Variants in ITSN1 observed in about 807,000 individuals in gnomAD.
ITSN1 encodes the protein intersectin 1, also known as intersectin-1.
In ITSN1, 58 loss-of-function variants were observed where a neutral mutation model predicts 239.8. The ratio of observed to expected loss-of-function variants is 0.24; its 90% CI spans 0.20 to 0.30. The LOEUF (loss-of-function observed/expected upper bound fraction) is 0.30, where lower values mean the gene tolerates loss of function less well. Ranked by LOEUF, ITSN1 falls within the 10% of genes least tolerant of loss-of-function variation. ITSN1 has a pLI of 1.00. For synonymous variants in ITSN1, 780 were observed against 770.8 expected, an observed-to-expected ratio of 1.01 and a Z score of -0.20; for missense variants, 1,558 against 2,103.3, an observed-to-expected ratio of 0.74 and a Z score of 5.07.
intron 16 of ITSN1, among the ~76,000 whole-genome samples, chr21:33,789,702 T>C (rs1256878168): frequency 6.6e-6 from 1 of 152,214 alleles, no homozygotes; most frequent in Non-Finnish European, 1.5e-5. Context: ...ATAATACATG[T>C]ATTTTTGAGT....
Position 33,797,240 on chromosome 21 carries a change from C to A in ITSN1, c.1953-139C>A. 1.5e-6 allele frequency: 1 copy of A among 668,594 alleles called. No homozygotes were observed. The highest frequency in any genetic ancestry group is 2.6e-5 in the East Asian group (1 of 39,014). 41.4% of individuals were successfully genotyped at this position (668,594 alleles called of 1,614,324 possible). On this transcript the variant is annotated intron_variant, in intron 17 of 39. Transcript: ENST00000381318. The surrounding 1 kb of genome is among the most constrained non-coding windows in gnomAD (Gnocchi z 4.9). ...CTCATTCAGAACTGGAGCCCTGATT[C>A]AGTTGCCCCATCTGAACAACAATGT...
intron 36 of ITSN1, 151 bp from the exon 37 acceptor site, chr21:33,884,890 C>T: frequency 1.6e-6 from 1 of 626,132 alleles, no homozygotes; most frequent in East Asian, 2.8e-5. Context: ...GTATTAGCGT[C>T]ACGTGACATA....
Position 33,794,344 on chromosome 21 carries a change from C to A in ITSN1, c.1828C>A (p.Leu610Ile), listed in dbSNP as rs772020474. ...IDIFNNQLKE[L>I]REIHNKQQLQ... ...ACTGTTTCTCGGTTAATTATAGGAA[C>A]TAAGAGAAATACACAATAAGCAACA... Residue 610 changes from leucine to isoleucine, a missense_variant, in exon 17 of 40, where the codon CTA becomes ATA. Leu to Ile is a conservative substitution (Grantham distance 5). This residue lies in a region of ITSN1 where 982 missense variants were observed against 1,209.9 expected (regional missense o/e 0.81). Transcript: ENST00000381318. 1 of 1,609,528 alleles carries A rather than the reference C, an allele frequency of 6.2e-7. No homozygotes were observed. The highest frequency in any genetic ancestry group is 1.3e-5 in the African/African-American group (1 of 74,702).
intron 20 of ITSN1, among the ~76,000 whole-genome samples, chr21:33,808,398 A>G (rs1330338224): frequency 6.6e-6 from 1 of 152,116 alleles, no homozygotes. Flanking sequence ...CAGCCTGGCC[A>G]ATATGGTGAA....
intron 20 of ITSN1, among the ~76,000 whole-genome samples, chr21:33,805,198 A>G (rs1385893488): frequency 1.3e-5 from 2 of 152,198 alleles, no homozygotes; most frequent in Non-Finnish European, 2.9e-5. Flanking sequence ...ATCCTAAATC[A>G]TTTCTAGAAA....
At position 33,856,769 on chromosome 21, in the gene ITSN1, C is replaced by T. The variant is rs1158929382; in HGVS notation, c.3695C>T (p.Thr1232Ile). The T allele has an allele frequency of 2.0e-5, 32 of 1,614,064 alleles. No homozygotes were observed. The highest frequency in any genetic ancestry group is 2.6e-5 in the Non-Finnish European group (31 of 1,179,994). Reference sequence around the variant, plus strand: ...GACTTACATCTCTTGGATATGTTGACCCCAACTGAAAGAAAGCGACAAGGA... The same window carrying T: ...GACTTACATCTCTTGGATATGTTGATCCCAACTGAAAGAAAGCGACAAGGA... ...CSDLHLLDML[T>I]PTERKRQGYI... Residue 1232 changes from threonine to isoleucine, a missense_variant, in exon 30 of 40, where the codon ACC (threonine) becomes ATC (isoleucine). Thr to Ile is a moderately conservative substitution (Grantham distance 89, BLOSUM62 -1). Transcript: ENST00000381318.
In ITSN1 at chr21:33,890,484, C is replaced by T. The variant is rs1175558835; in HGVS notation, c.*2184C>T. 6.6e-6 allele frequency: 1 copy of T among 152,216 alleles called. No individual in the cohort carries two copies. Among genetic ancestry groups the T allele is most frequent in the Non-Finnish European group, 1.5e-5 (1 of 68,034 alleles). 9.4% of individuals were successfully genotyped at this position (152,216 alleles called of 1,614,324 possible). A position where few individuals can be genotyped will look rare whatever the true frequency, so the allele number is the denominator to read the frequency against. On this transcript the variant is annotated 3_prime_UTR_variant, in exon 40 of 40. Transcript: ENST00000381318. ...TGTAGCATGAGAAAGCAATATGTGA[C>T]TCTTTTTCCTCAAGTGACTCTGTTG...
chr21:33,694,724 C>G (rs1373736958), intron 1 of ITSN1, among the ~76,000 whole-genome samples: 5 of 152,144 alleles, frequency 3.3e-5, no homozygotes, highest in Non-Finnish European at 7.4e-5. Flanking sequence ...GGGAGGCTGA[C>G]AGGAGAATTA....
chr21:33,713,828 C>CTTT (rs35226795), intron 1 of ITSN1, among the ~76,000 whole-genome samples: 2,161 of 89,204 alleles, frequency 0.024, 91 homozygotes, highest in African/African-American at 0.034. Context: ...CCAGCCTCAT[C>CTTT]TTTTTTTTTT....
At chr21:33,754,204 C>T (rs529753903) in intron 7 of ITSN1, 75 of 151,964 alleles carry the variant, frequency 4.9e-4, no homozygotes, top group Admixed American at 9.2e-4. Flanking sequence ...CAGAAGTACC[C>T]ACAGCAGAAT....
intron 11 of ITSN1, 74 bp from the exon 12 acceptor site, chr21:33,771,987 T>C (rs2069200409): frequency 1.3e-6 from 2 of 1,526,702 alleles, no homozygotes; most frequent in Non-Finnish European, 1.8e-6. Context: ...TTCAAATACA[T>C]TGGTGAGTTT....
intron 5 of ITSN1, among the ~76,000 whole-genome samples, chr21:33,740,388 C>G (rs996452261): frequency 1.3e-5 from 2 of 152,108 alleles, no homozygotes; most frequent in Non-Finnish European, 2.9e-5. Flanking sequence ...AGAGGAGAAG[C>G]CAGAAACTGA....
At chr21:33,819,435 TAAACTAC>T (rs2073507191) in intron 24 of ITSN1, 112 bp downstream of exon 24, 3 of 638,834 alleles carry the variant, frequency 4.7e-6, no homozygotes, top group Non-Finnish European at 8.0e-6. Flanking sequence ...ATCAGTATAT[TAAACTAC>T]AGTAAAATGT....
At chr21:33,751,226 C>T (rs1269983428) in intron 6 of ITSN1, among the ~76,000 whole-genome samples, 1 of 152,192 alleles carries the variant, frequency 6.6e-6, no homozygotes, top group Non-Finnish European at 1.5e-5. Context: ...AGCAAATCCA[C>T]ACACTCTGAG....
intron 1 of ITSN1, among the ~76,000 whole-genome samples, chr21:33,714,818 T>G (rs1033516174): frequency 1.3e-5 from 2 of 152,134 alleles, no homozygotes; most frequent in African/African-American, 4.8e-5. Context: ...TAACATTTTC[T>G]TAAACAAAAA....
At chr21:33,746,824 A>G (rs780298751) in intron 5 of ITSN1, among the ~76,000 whole-genome samples, 1 of 152,028 alleles carries the variant, frequency 6.6e-6, no homozygotes, top group Non-Finnish European at 1.5e-5. Flanking sequence ...CCTGGGAAAC[A>G]AGAGTGAAAC....
chr21:33,829,447 T>A (rs900742151), intron 26 of ITSN1, 177 bp from the exon 27 acceptor site: 1 of 653,738 alleles, frequency 1.5e-6, no homozygotes, highest in Non-Finnish European at 2.7e-6. Flanking sequence ...ATGCCGTGTC[T>A]GCCTGGTAGC....
intron 1 of ITSN1, among the ~76,000 whole-genome samples, chr21:33,701,873 G>A (rs1042487496): frequency 2.0e-5 from 3 of 151,606 alleles, no homozygotes; most frequent in African/African-American, 7.3e-5. Flanking sequence ...TTCCAGACCA[G>A]CCTGGTCAAC....
At position 33,797,519 on chromosome 21, in the gene ITSN1, A is replaced by G; in HGVS notation, c.2093A>G (p.Lys698Arg). ...AAGAAGGATGGCGAGGAAAAAGGCA[A>G]ACAGGAAGCACAAGACAAGCTGGGT... ...VKKKDGEEKG[K>R]QEAQDKLGRL... The change falls in exon 18 of 40, where the codon AAA becomes AGA. Residue 698 changes from lysine to arginine, a missense_variant. Lys to Arg is a conservative substitution (Grantham distance 26, BLOSUM62 2). Around this residue, in one of 2 missense-constraint regions of ITSN1, gnomAD observed 982 missense variants for 1,209.9 expected, o/e 0.81. Transcript: ENST00000381318. This position sits in a 1 kb window ranked among gnomAD's most constrained non-coding sequence, Gnocchi z 4.9. 6.2e-7 allele frequency: 1 copy of G among 1,614,190 alleles called. No homozygotes were observed.
Sources: allele counts gnomAD v4.1 joint callset (sites outside exome capture counted in the v4.1 genomes callset), GRCh38; gene constraint gnomAD v4.1.1; regional missense constraint gnomAD v4.1.1; non-coding constraint Gnocchi (gnomAD v3.1); transcripts MANE v1.5; gene names NCBI Gene and HGNC (gene_info 2026-07-23, HGNC 2026-07-21).